The following ARSK variants were observed in gnomAD, a reference collection of about 807,000 sequenced individuals.
ARSK encodes the protein arylsulfatase K.
ARSK carries 37 observed loss-of-function variants against 53.2 expected under a neutral mutation model. The ratio of observed to expected loss-of-function variants is 0.70; its 90% confidence interval spans 0.54 to 0.92. The LOEUF (loss-of-function observed/expected upper bound fraction) is 0.92, where lower values mean the gene tolerates loss of function less well. Ranked by LOEUF, ARSK falls within the 40% of genes least tolerant of loss-of-function variation. The pLI, the probability that ARSK is intolerant of heterozygous loss-of-function variation, is 0.00. For synonymous variants in ARSK, 208 were observed against 223.2 expected (o/e 0.93, Z 0.61); for missense variants, 613 against 643.0 (o/e 0.95, Z 0.51).
chr5:95,604,493 A>G lies in ARSK; in HGVS notation c.*967A>G, dbSNP rs761319897. On this transcript the variant is annotated 3_prime_UTR_variant, in exon 8 of 8. Coordinates refer to ENST00000380009, the MANE Select transcript of ARSK (RefSeq NM_198150.3). Reference sequence around the variant, plus strand: ...TGTATATATTCCTTTCCCCCTACACAAACGGTAACATACTGCACACATTGT... The same window carrying G: ...TGTATATATTCCTTTCCCCCTACACGAACGGTAACATACTGCACACATTGT... 22 of 152,132 alleles carry G rather than the reference A, an allele frequency of 1.4e-4. No homozygotes were observed. Among genetic ancestry groups the G allele is most frequent in the Non-Finnish European group, 2.8e-4 (19 of 68,008 alleles). 9.4% of individuals were successfully genotyped at this position (152,132 alleles called of 1,614,324 possible).
chr5:95,558,920 C>T (rs536079434), intron 1 of ARSK, among the ~76,000 whole-genome samples: 1 of 152,304 alleles, frequency 6.6e-6, no homozygotes, highest in East Asian at 1.9e-4. Context: ...GTGGGTGGAT[C>T]ACCTGAGATC....
At chr5:95,561,259 A>T (rs1466049512) in intron 1 of ARSK, among the ~76,000 whole-genome samples, 1 of 152,226 alleles carries the variant, frequency 6.6e-6, no homozygotes, top group Non-Finnish European at 1.5e-5. Flanking sequence ...TATAATGAAA[A>T]AGACAATAAC....
In ARSK at chr5:95,583,737, G is replaced by A. The variant is rs148978628; in HGVS notation, c.699+539G>A. ...AAAAAACTTGCCAGTAGATTGAAGA[G>A]TGCTTGCCTTCTCATCATAAAACTT... On this transcript the variant is annotated intron_variant, in intron 4 of 7. Transcript: ENST00000380009. Among the ~76,000 whole-genome samples, 633 of 152,292 alleles carry A rather than the reference G, an allele frequency of 4.2e-3. 6 individuals are homozygous for A. Among genetic ancestry groups the A allele is most frequent in the Middle Eastern group, 0.034 (10 of 294 alleles).
chr5:95,603,161 T>C, intron 7 of ARSK, 76 bp from the exon 8 acceptor site: 2 of 1,143,432 alleles, frequency 1.7e-6, no homozygotes, highest in African/African-American at 1.6e-5. Context: ...TCTAATACAT[T>C]ACCTGTCATA....
In ARSK at chr5:95,583,007, G is replaced by T; in HGVS notation, c.508G>T (p.Val170Phe). Residue 170 changes from valine to phenylalanine, a missense_variant, in exon 4 of 8, where the codon GTC becomes TTC. Transcript: ENST00000380009. ...TAATCTTATCCGTAACAGGACTAAA[G>T]TCAGAGTGATGGAAAGGGATTGGCA... ...MVNLIRNRTKVRVMERDWQNT... is the reference protein window; with the variant it reads ...MVNLIRNRTKFRVMERDWQNT... 1 of 1,613,856 alleles carries T rather than the reference G, an allele frequency of 6.2e-7. No individual in the cohort carries two copies. The highest frequency in any genetic ancestry group is 1.7e-5 in the Admixed American group (1 of 60,020).
intron 1 of ARSK, among the ~76,000 whole-genome samples, chr5:95,558,449 T>C (rs1352501355): frequency 6.6e-6 from 1 of 151,618 alleles, no homozygotes; most frequent in Non-Finnish European, 1.5e-5. Context: ...TTAGACAAAA[T>C]CAGCAAAATT....
Position 95,588,383 on chromosome 5 carries a change from C to T in ARSK, c.871+1650C>T, listed in dbSNP as rs531306140. Among the ~76,000 whole-genome samples the T allele has an allele frequency of 1.4e-4, 21 of 151,690 alleles. No individual in the cohort carries two copies. The South Asian group carries it at 1.5e-3, about 11-fold the overall frequency. On this transcript the variant is annotated intron_variant, in intron 5 of 7. Transcript: ENST00000380009. ...TCCCGAGTAGCTGGGATTATAGGCA[C>T]GCGCCACCACGCCCAGCTAATTTTT...
intron 2 of ARSK, among the ~76,000 whole-genome samples, chr5:95,567,314 C>G (rs777766859): frequency 4.6e-5 from 7 of 152,190 alleles, no homozygotes; most frequent in Non-Finnish European, 8.8e-5. Context: ...TCCCACCTCT[C>G]AGAAAACATC....
chr5:95,576,200 C>CTTT (rs60974669), intron 3 of ARSK, among the ~76,000 whole-genome samples: 16,470 of 129,972 alleles, frequency 0.13, 1,546 homozygotes, highest in African/African-American at 0.23. Flanking sequence ...AAGTGTATAC[C>CTTT]TTTTTTTTTT....
intron 3 of ARSK, chr5:95,581,024 T>A: frequency 1.3e-6 from 1 of 792,162 alleles, no homozygotes; most frequent in Non-Finnish European, 1.8e-6. Flanking sequence ...TAACTCTACT[T>A]AAGTACCAGC....
Position 95,586,678 on chromosome 5 carries a change from T to G in ARSK, c.816T>G (p.Ile272Met), listed in dbSNP as rs769382487. 3.7e-6 allele frequency: 6 copies of G among 1,611,920 alleles called. No individual in the cohort carries two copies. Among genetic ancestry groups the G allele is most frequent in the African/African-American group, 1.3e-5 (1 of 74,824 alleles). ...CTGGAAGATTTACAAAAAAAGAAAT[T>G]AAGAATATTAGAGCATTTTATTATG... ...NCTGRFTKKE[I>M]KNIRAFYYAM... The change falls in exon 5 of 8, where the codon ATT becomes ATG. Residue 272 changes from isoleucine (I) to methionine (M), a missense_variant. Physicochemically the swap from Ile to Met is conservative, Grantham distance 10. Coordinates refer to ENST00000380009, the MANE Select transcript of ARSK (RefSeq NM_198150.3).
At chr5:95,588,893 C>T (rs1049168342) in intron 5 of ARSK, among the ~76,000 whole-genome samples, 3 of 152,028 alleles carry the variant, frequency 2.0e-5, no homozygotes, top group South Asian at 4.1e-4. Context: ...ACCCGGGAGG[C>T]GGAGGTTGCA....
Position 95,591,534 on chromosome 5 carries a change from T to C in ARSK, c.1005T>C (p.His335=), listed in dbSNP as rs1422825094. 6.2e-7 allele frequency: 1 copy of C among 1,614,070 alleles called. No individual in the cohort carries two copies. The highest frequency in any genetic ancestry group is 1.3e-5 in the African/African-American group (1 of 74,936). Reference sequence around the variant, plus strand: ...TGAGCATGTACGAGGCTAGTGCACATGTTCCGCTTTTGATGATGGGACCAG... The same window carrying C: ...TGAGCATGTACGAGGCTAGTGCACACGTTCCGCTTTTGATGATGGGACCAG... ...YKMSMYEASA[H]VPLLMMGPGI... The change falls in exon 6 of 8, where the codon CAT becomes CAC. Residue 335 remains histidine, a synonymous_variant. Coordinates refer to ENST00000380009, the MANE Select transcript of ARSK (RefSeq NM_198150.3).
At chr5:95,556,690 G>C (rs1287104164) in intron 1 of ARSK, 1 of 153,954 alleles carries the variant, frequency 6.5e-6, no homozygotes, top group East Asian at 1.9e-4. Context: ...TGAATGCATA[G>C]ATTTTTCTAT....
intron 6 of ARSK, among the ~76,000 whole-genome samples, chr5:95,597,584 A>G (rs991923029): frequency 4.6e-5 from 7 of 152,188 alleles, no homozygotes; most frequent in Admixed American, 2.0e-4. Context: ...TCTGGTCTTC[A>G]ATTTTCTCAT....
chr5:95,602,189 C>G (rs1210163905), intron 7 of ARSK, among the ~76,000 whole-genome samples: 2 of 152,170 alleles, frequency 1.3e-5, no homozygotes, highest in African/African-American at 4.8e-5. Flanking sequence ...TTTTCATCAG[C>G]CTTTTTCTGC....
rs942883681 is a variant in ARSK, at chr5:95,591,776, G to A, written c.1096+151G>A. Reference sequence around the variant, plus strand: ...ACTCATTCAACTGTGAGTCAAATCTGTACTCTGAAGAATGAAGAGATTGTT... The same window carrying A: ...ACTCATTCAACTGTGAGTCAAATCTATACTCTGAAGAATGAAGAGATTGTT... On this transcript the variant is annotated intron_variant, in intron 6 of 7. Transcript: ENST00000380009. The A allele has an allele frequency of 3.5e-5, 24 of 686,762 alleles. No individual in the cohort carries two copies. In the Middle Eastern group the frequency reaches 1.2e-3, roughly 33 times the overall value. 42.5% of individuals were successfully genotyped at this position (686,762 alleles called of 1,614,324 possible).
chr5:95,595,747 T>A (rs922129979), intron 6 of ARSK, among the ~76,000 whole-genome samples: 2 of 152,168 alleles, frequency 1.3e-5, no homozygotes, highest in South Asian at 2.1e-4. Context: ...ACCTGGGTGA[T>A]GCAATCATTC....
intron 6 of ARSK, 92 bp downstream of exon 6, chr5:95,591,717 A>G: frequency 8.0e-7 from 1 of 1,257,354 alleles, no homozygotes; most frequent in Admixed American, 1.8e-5. Flanking sequence ...GTTAGTAGTC[A>G]GAGGTCCTGC....
Sources: gnomAD v4.1 joint callset for allele counts (sites outside exome capture counted in the v4.1 genomes callset) on GRCh38, gnomAD v4.1.1 for gene constraint, MANE v1.5 for transcripts, NCBI Gene and HGNC (gene_info 2026-07-23, HGNC 2026-07-21) for gene names.